The following TRIM2 variants were observed in gnomAD, a reference collection of about 807,000 sequenced individuals.
The protein encoded by TRIM2 is tripartite motif-containing protein 2.
In TRIM2, 20 loss-of-function variants were observed where a neutral mutation model predicts 75.2. The observed-to-expected ratio is 0.27, with a 90% CI of 0.19 to 0.39. The LOEUF is 0.39. Ranked by LOEUF, TRIM2 falls within the 10% of genes least tolerant of loss-of-function variation. The probability of loss-of-function intolerance (pLI) is 1.00; values close to 1 mark genes in which losing one functional copy is unlikely to be tolerated. For synonymous variants in TRIM2, 373 were observed against 388.3 expected (o/e 0.96, Z 0.46); for missense variants, 660 against 990.8 (o/e 0.67, Z 4.48).
Position 153,241,368 on chromosome 4 carries a change from A to C in TRIM2, c.31-28967A>C, listed in dbSNP as rs138795371. Reference sequence around the variant, plus strand: ...GTTGGAAGCCATGTGCCAAGACTGCATTTGTGCTGCACCATCGTTGGGGGA... The same window carrying C: ...GTTGGAAGCCATGTGCCAAGACTGCCTTTGTGCTGCACCATCGTTGGGGGA... On this transcript the variant is annotated intron_variant, in intron 1 of 11. Coordinates refer to ENST00000338700, the MANE Select transcript of TRIM2 (RefSeq NM_015271.5). 2.4e-3 allele frequency among the ~76,000 whole-genome samples: 368 copies of C among 152,294 alleles called. 3 individuals carry two copies. The highest frequency in any genetic ancestry group is 8.7e-3 in the African/African-American group (363 of 41,564).
At chr4:153,329,806 C>T (rs1771061639) in intron 11 of TRIM2, among the ~76,000 whole-genome samples, 1 of 151,480 alleles carries the variant, frequency 6.6e-6, no homozygotes, top group Non-Finnish European at 1.5e-5. Context: ...CATTGCACTC[C>T]AGCCTGGGCA....
chr4:153,177,707 CTCCTTCCTTCCTTCCT>C lies in TRIM2; in HGVS notation c.-49+24468_-49+24483del, dbSNP rs60499669. ...GAAAGGGAGAATGGATGGTGGCTCGCTCCTTCCTTCCTTCCTTCCTTCCTTCCTTCCTTCCTTCCTT... is the reference window on the plus strand; with the variant it reads ...GAAAGGGAGAATGGATGGTGGCTCGCTCCTTCCTTCCTTCCTTCCTTCCTT... On this transcript the variant is annotated intron_variant, in intron 1 of 11. Transcript: ENST00000437508. Among the ~76,000 whole-genome samples, 8 of 133,974 alleles carry C rather than the reference CTCCTTCCTTCCTTCCT, an allele frequency of 6.0e-5. 1 individual carries two copies. The South Asian group carries it at 8.1e-4, about 14-fold the overall frequency. 87.9% of individuals were successfully genotyped at this position (133,974 alleles called of 152,430 possible). A position where few individuals can be genotyped will look rare whatever the true frequency, so the allele number is the denominator to read the frequency against.
At chr4:153,234,297 CTG>C (rs1262899413) in intron 1 of TRIM2, among the ~76,000 whole-genome samples, 3 of 152,146 alleles carry the variant, frequency 2.0e-5, no homozygotes, top group African/African-American at 7.2e-5. Context: ...TGCAGTCACA[CTG>C]TGATTCAGGG....
chr4:153,192,254 C>T (rs1201106328), intron 1 of TRIM2, among the ~76,000 whole-genome samples: 1 of 152,174 alleles, frequency 6.6e-6, no homozygotes, highest in Non-Finnish European at 1.5e-5. Context: ...TGTCAAGTCT[C>T]TACATTACAA....
intron 3 of TRIM2, among the ~76,000 whole-genome samples, chr4:153,279,312 A>G (rs891158549): frequency 6.6e-6 from 1 of 152,206 alleles, no homozygotes; most frequent in Non-Finnish European, 1.5e-5. Context: ...CAGCAACTAA[A>G]ATTAATCTTA....
At chr4:153,293,179 G>A (rs1221297261) in intron 4 of TRIM2, 46 bp downstream of exon 4, 3 of 1,561,960 alleles carry the variant, frequency 1.9e-6, no homozygotes, top group Non-Finnish European at 2.6e-6. Flanking sequence ...CTGTACTTGA[G>A]GCCTGGCCTC....
chr4:153,236,577 G>A (rs2149821386), intron 1 of TRIM2, among the ~76,000 whole-genome samples: 1 of 152,122 alleles, frequency 6.6e-6, no homozygotes, highest in African/African-American at 2.4e-5. Flanking sequence ...CTTTTCTTGT[G>A]GAGAAGATTG....
intron 5 of TRIM2, among the ~76,000 whole-genome samples, 186 bp downstream of exon 5, chr4:153,294,671 C>T (rs1354513561): frequency 6.6e-6 from 1 of 152,142 alleles, no homozygotes; most frequent in Non-Finnish European, 1.5e-5. Flanking sequence ...GACTCTGTGA[C>T]TTTAAGTACT....
rs1578881816 is a variant in TRIM2, at chr4:153,244,206, CCTTCTCCTTCCTCTTCTCCTCCTTCTTCT to C, written c.31-26111_31-26083del. Among the ~76,000 whole-genome samples the C allele has an allele frequency of 4.4e-5, 5 of 113,000 alleles. No individual in the cohort carries two copies. In the East Asian group the frequency reaches 1.7e-3, roughly 38 times the overall value. The allele number at this position is 113,000 out of a possible 152,430, so 74.1% of individuals were successfully genotyped here. A position where few individuals can be genotyped will look rare whatever the true frequency, so the allele number is the denominator to read the frequency against. On this transcript the variant is annotated intron_variant, in intron 1 of 11. Transcript: ENST00000338700. ...TCCTCCTTCTTCTTCTCCTCCTTTT[CCTTCTCCTTCCTCTTCTCCTCCTTCTTCT>C]CTTCTCCTTCCTCTTCTTTCCTCCT... is the stretch of plus-strand genomic sequence containing the variant.
At chr4:153,204,400 C>G (rs1337670071), upstream of TRIM2, 26 of 1,034,914 alleles carry the variant, frequency 2.5e-5, no homozygotes, top group Non-Finnish European at 3.8e-5. Context: ...TTGGCTTGTG[C>G]TGACTAGCTG....
intron 6 of TRIM2, chr4:153,307,955 G>A (rs1765390858): frequency 2.8e-5 from 21 of 756,024 alleles, no homozygotes; most frequent in Admixed American, 2.6e-4. Flanking sequence ...GCCGGTCAGC[G>A]AAATACAGGG....
intron 3 of TRIM2, among the ~76,000 whole-genome samples, chr4:153,284,304 G>A (rs148593830): frequency 0.018 from 2,767 of 151,312 alleles, 74 homozygotes; most frequent in African/African-American, 0.063. Context: ...GGGTTCGAGT[G>A]ATTCTCCTGC....
upstream of TRIM2, among the ~76,000 whole-genome samples, chr4:153,202,167 A>G (rs921583219): frequency 3.3e-5 from 5 of 152,370 alleles, no homozygotes; most frequent in Non-Finnish European, 5.9e-5. Context: ...TATAATCAGA[A>G]GGGCTTGAGA....
At chr4:153,329,562 G>A (rs775915322) in intron 11 of TRIM2, among the ~76,000 whole-genome samples, 14 of 151,734 alleles carry the variant, frequency 9.2e-5, no homozygotes, top group Non-Finnish European at 1.9e-4. Flanking sequence ...AAGGCTGGGC[G>A]CTGTGGCTCA....
chr4:153,175,323 A>G (rs371499351), intron 1 of TRIM2, among the ~76,000 whole-genome samples: 7 of 151,846 alleles, frequency 4.6e-5, no homozygotes, highest in Middle Eastern at 6.3e-3. Flanking sequence ...CCCGGCCCCA[A>G]CTGGTGCAGT....
intron 1 of TRIM2, among the ~76,000 whole-genome samples, chr4:153,176,023 C>G (rs538745437): frequency 2.6e-4 from 40 of 151,516 alleles, no homozygotes; most frequent in Admixed American, 2.5e-3. Context: ...CCATTGCACT[C>G]CAGCCTGGGC....
upstream of TRIM2, among the ~76,000 whole-genome samples, chr4:153,200,581 T>C (rs543841603): frequency 6.6e-6 from 1 of 152,182 alleles, no homozygotes; most frequent in African/African-American, 2.4e-5. Flanking sequence ...ATATGGTAAT[T>C]CTATGTTTAG....
At chr4:153,196,271 C>CCACA (rs1553961390) in intron 1 of TRIM2, among the ~76,000 whole-genome samples, 2 of 147,698 alleles carry the variant, frequency 1.4e-5, no homozygotes, top group African/African-American at 2.6e-5. Flanking sequence ...CCACCCCCCC[C>CCACA]CACACACACA....
Position 153,153,354 on chromosome 4 carries a change from G to C in TRIM2, c.-49+84G>C, listed in dbSNP as rs1728897622. Reference sequence around the variant, plus strand: ...CCGGTGGCGGGGACGGAAAGGCAGGGATAGGAGAGGCGGGCGCGCGTGCGG... The same window carrying C: ...CCGGTGGCGGGGACGGAAAGGCAGGCATAGGAGAGGCGGGCGCGCGTGCGG... On this transcript the variant is annotated intron_variant, in intron 1 of 11. Coordinates refer to the TRIM2 transcript ENST00000437508. 2 of 152,276 alleles carry C rather than the reference G, an allele frequency of 1.3e-5. 1 individual carries two copies. Among genetic ancestry groups the C allele is most frequent in the South Asian group, 4.1e-4 (2 of 4,840 alleles). 9.4% of individuals were successfully genotyped at this position (152,276 alleles called of 1,614,324 possible).
Sources: allele counts gnomAD v4.1 joint callset (sites outside exome capture counted in the v4.1 genomes callset), GRCh38; gene constraint gnomAD v4.1.1; transcripts MANE v1.5; gene names NCBI Gene and HGNC (gene_info 2026-07-23, HGNC 2026-07-21).